Variants in EEA1 observed in about 807,000 individuals in gnomAD.
EEA1 encodes the protein early endosome antigen 1.
A neutral mutation model predicts 209.2 loss-of-function variants in EEA1; 111 were observed. That is an observed-to-expected ratio of 0.53 (90% CI 0.45 to 0.62). The LOEUF is 0.62. Among genes scored for constraint, EEA1 ranks in the 20% least tolerant of loss-of-function variants. EEA1 has a pLI of 0.00. For synonymous variants in EEA1, 536 were observed against 540.6 expected (o/e 0.99, Z 0.12); for missense variants, 1,343 against 1,530.8 (o/e 0.88, Z 2.05).
chr12:92,929,294 C>A lies in EEA1; in HGVS notation c.-228G>T, dbSNP rs1052795480. ...ACGACTAGGCAGCCTGCGAGCGCCT[C>A]CAGCCCGCCCGCCGGGCAGCCCCCG... is the stretch of plus-strand genomic sequence containing the variant. On this transcript the variant is annotated 5_prime_UTR_variant, in exon 1 of 29. Transcript: ENST00000322349. 2.6e-6 allele frequency: 1 copy of A among 388,238 alleles called. No homozygotes were observed. Among genetic ancestry groups the A allele is most frequent in the Non-Finnish European group, 4.6e-6 (1 of 219,574 alleles). 24.0% of individuals were successfully genotyped at this position (388,238 alleles called of 1,614,324 possible). A position where few individuals can be genotyped will look rare whatever the true frequency, so the allele number is the denominator to read the frequency against.
chr12:92,809,644 G>A (rs1875396966), intron 17 of EEA1, among the ~76,000 whole-genome samples: 1 of 150,562 alleles, frequency 6.6e-6, no homozygotes, highest in Non-Finnish European at 1.5e-5. Flanking sequence ...GCAGCGAGCT[G>A]AGATCGCACC....
intron 9 of EEA1, among the ~76,000 whole-genome samples, chr12:92,849,624 T>C (rs1003156650): frequency 1.3e-5 from 2 of 152,174 alleles, no homozygotes; most frequent in African/African-American, 4.8e-5. Context: ...TTAGAGAGTG[T>C]AGTGTTAGGC....
chr12:92,889,239 T>C (rs113778596), intron 2 of EEA1, among the ~76,000 whole-genome samples: 24 of 148,842 alleles, frequency 1.6e-4, no homozygotes, highest in African/African-American at 5.2e-4. Context: ...AACCCAGCAA[T>C]GTACTCCACC....
intron 21 of EEA1, among the ~76,000 whole-genome samples, chr12:92,789,661 A>C (rs1399468281): frequency 6.6e-6 from 1 of 152,172 alleles, no homozygotes; most frequent in African/African-American, 2.4e-5. Context: ...AACAAGCCCT[A>C]CTGCCTCTAG....
intron 2 of EEA1, among the ~76,000 whole-genome samples, chr12:92,869,147 C>T (rs1304736327): frequency 6.6e-6 from 1 of 152,092 alleles, no homozygotes; most frequent in African/African-American, 2.4e-5. Flanking sequence ...ATATAAGAGA[C>T]TCCTCTATTT....
At chr12:92,875,909 C>T (rs1332297452) in intron 2 of EEA1, among the ~76,000 whole-genome samples, 2 of 152,092 alleles carry the variant, frequency 1.3e-5, no homozygotes, top group Admixed American at 6.6e-5. Context: ...CAGAAATCCA[C>T]GTGACTCATT....
At chr12:92,825,879 AAATT>A (rs1345143808) in intron 13 of EEA1, among the ~76,000 whole-genome samples, 1 of 149,532 alleles carries the variant, frequency 6.7e-6, no homozygotes, top group African/African-American at 2.4e-5. Context: ...AAATTTAAGT[AAATT>A]AATATATAAA....
rs771245134 is a variant in EEA1 at position 92,842,543 on chromosome 12, G to A, written c.837C>T (p.Gly279=). The A allele has an allele frequency of 1.2e-6, 2 of 1,606,474 alleles. No homozygotes were observed. Among genetic ancestry groups the A allele is most frequent in the Non-Finnish European group, 1.7e-6 (2 of 1,177,310 alleles). The part of the protein sequence containing the change: ...ISQLRSELAK[G]PQEVAVYVQE... The stretch of plus-strand genomic sequence containing the variant: ...GTACATATACAGCAACTTCCTGGGG[G>A]CCTTTGGCAAGTTCACTCCTTAGCT... Residue 279 remains glycine (G), a synonymous_variant, in exon 10 of 29, where the codon GGC becomes GGT. Transcript: ENST00000322349.
intron 2 of EEA1, among the ~76,000 whole-genome samples, chr12:92,887,642 T>C (rs962598602): frequency 2.6e-5 from 4 of 151,758 alleles, no homozygotes; most frequent in Non-Finnish European, 5.9e-5. Context: ...AGCAAGACCT[T>C]GTCTCAAAAA....
At position 92,809,161 on chromosome 12, in the gene EEA1, G is replaced by T; in HGVS notation, c.2200-5C>A. On this transcript the variant is annotated splice_region_variant and splice_polypyrimidine_tract_variant and intron_variant, in intron 17 of 28. Transcript: ENST00000322349. Reference sequence around the variant, plus strand: ...AAGACTATCAGCTTCTAGTTTCTATGAAAGAAATATGATATGGCAGCCATT... The same window carrying T: ...AAGACTATCAGCTTCTAGTTTCTATTAAAGAAATATGATATGGCAGCCATT... 6.5e-7 allele frequency: 1 copy of T among 1,546,682 alleles called. No homozygotes were observed. Among genetic ancestry groups the T allele is most frequent in the Non-Finnish European group, 8.7e-7 (1 of 1,149,536 alleles).
At chr12:92,815,211 C>T (rs1330478965) in intron 15 of EEA1, among the ~76,000 whole-genome samples, 1 of 151,772 alleles carries the variant, frequency 6.6e-6, no homozygotes, top group African/African-American at 2.4e-5. Context: ...ATGATAGTAA[C>T]AAAAAAATGG....
At chr12:92,777,885 A>C in intron 26 of EEA1, 56 bp downstream of exon 26, 1 of 1,516,980 alleles carries the variant, frequency 6.6e-7, no homozygotes, top group South Asian at 1.2e-5. Flanking sequence ...ATGGAATATG[A>C]CAATCTTTTT....
intron 9 of EEA1, among the ~76,000 whole-genome samples, chr12:92,849,775 A>G (rs1877534378): frequency 6.6e-6 from 1 of 152,204 alleles, no homozygotes; most frequent in Non-Finnish European, 1.5e-5. Flanking sequence ...ATGACATGTT[A>G]TATTTGTGAA....
rs188733023 is a variant in EEA1 at position 92,890,787 on chromosome 12, A to G, written c.117+842T>C. ...CTTACTATGGTTAAAATACATACAC[A>G]TGGAGACAAAAAATAAACACATGGT... On this transcript the variant is annotated intron_variant, in intron 2 of 28. Coordinates refer to ENST00000322349, the MANE Select transcript of EEA1 (RefSeq NM_003566.4). Among the ~76,000 whole-genome samples, 13 of 152,326 alleles carry G rather than the reference A, an allele frequency of 8.5e-5. No homozygotes were observed. The East Asian group carries it at 1.9e-3, about 23-fold the overall frequency.
At position 92,774,414 on chromosome 12, in the gene EEA1, A is replaced by T. The variant is rs1873567446; in HGVS notation, c.*1597T>A. Reference sequence around the variant, plus strand: ...TAGCATGAATATAATTTCATTTCAGAATATTTGAAAGCAAATGTATATTAA... The same window carrying T: ...TAGCATGAATATAATTTCATTTCAGTATATTTGAAAGCAAATGTATATTAA... On this transcript the variant is annotated 3_prime_UTR_variant, in exon 29 of 29. Transcript: ENST00000322349. 1 of 151,668 alleles carries T rather than the reference A, an allele frequency of 6.6e-6. No homozygotes were observed. Among genetic ancestry groups the T allele is most frequent in the South Asian group, 2.1e-4 (1 of 4,824 alleles). The allele number at this position is 151,668 out of a possible 1,614,324, so 9.4% of individuals were successfully genotyped here.
intron 2 of EEA1, chr12:92,879,319 T>C (rs1291513906): frequency 4.5e-6 from 2 of 446,408 alleles, no homozygotes; most frequent in Non-Finnish European, 8.9e-6. Flanking sequence ...GTTTGGAATT[T>C]TGCAGCATTT....
At chr12:92,777,340 T>C (rs1295583950) in intron 27 of EEA1, among the ~76,000 whole-genome samples, 1 of 152,014 alleles carries the variant, frequency 6.6e-6, no homozygotes, top group East Asian at 1.9e-4. Context: ...ATGACATGGC[T>C]TTCTAATGAA....
intron 1 of EEA1, among the ~76,000 whole-genome samples, 176 bp downstream of exon 1, chr12:92,928,867 G>A (rs1472110453): frequency 2.0e-5 from 3 of 150,748 alleles, no homozygotes; most frequent in African/African-American, 7.3e-5. Flanking sequence ...GCCCCGCCGC[G>A]CCGGCCCCAC....
chr12:92,846,095 A>T (rs1877379069), intron 9 of EEA1, among the ~76,000 whole-genome samples: 1 of 152,220 alleles, frequency 6.6e-6, no homozygotes, highest in East Asian at 1.9e-4. Context: ...AACTATAAGT[A>T]AATAATCATT....
Sources: allele counts gnomAD v4.1 joint callset (sites outside exome capture counted in the v4.1 genomes callset), GRCh38; gene constraint gnomAD v4.1.1; transcripts MANE v1.5; gene names NCBI Gene and HGNC (gene_info 2026-07-23, HGNC 2026-07-21).